NCAN: variants seen among roughly 807,000 people sequenced by gnomAD.
The protein encoded by NCAN is neurocan core protein.
Under a neutral mutation model 121.8 loss-of-function variants are expected in NCAN, and 47 were observed. That is an observed-to-expected ratio of 0.39 (90% CI 0.31 to 0.49). NCAN has a LOEUF of 0.49. NCAN is among the 20% of genes least tolerant of loss of function. The probability of loss-of-function intolerance (pLI) is 0.92; values close to 1 mark genes in which losing one functional copy is unlikely to be tolerated. For synonymous variants in NCAN, 633 were observed against 702.0 expected, an observed-to-expected ratio of 0.90 and a Z score of 1.55; for missense variants, 1,517 against 1,773.4, an observed-to-expected ratio of 0.86 and a Z score of 2.60.
chr19:19,245,855 G>A (rs910240544), intron 13 of NCAN, among the ~76,000 whole-genome samples: 2 of 152,094 alleles, frequency 1.3e-5, no homozygotes, highest in Non-Finnish European at 2.9e-5. Flanking sequence ...ATTTGCCAGG[G>A]GCTAGGGTTT....
chr19:19,244,170 C>A (rs966933931), intron 12 of NCAN, among the ~76,000 whole-genome samples: 3 of 152,124 alleles, frequency 2.0e-5, no homozygotes, highest in Admixed American at 2.0e-4. Flanking sequence ...TCTGAGCACA[C>A]CCCAGCCCCA....
Position 19,228,112 on chromosome 19 carries a change from C to T in NCAN, c.2492C>T (p.Ser831Phe). 6 of 1,613,644 alleles carry T rather than the reference C, an allele frequency of 3.7e-6. No individual in the cohort carries two copies. The highest frequency in any genetic ancestry group is 1.1e-5 in the South Asian group (1 of 91,080). The change falls in exon 8 of 15, where the codon TCC becomes TTC. Residue 831 changes from serine (S) to phenylalanine (F), a missense_variant. Transcript: ENST00000252575. Reference sequence around the variant, plus strand: ...GGACCCACTGTGAATCCCATGGATTCCACAGTCACGCCGGCCCCCAGTGAT... The same window carrying T: ...GGACCCACTGTGAATCCCATGGATTTCACAGTCACGCCGGCCCCCAGTGAT... ...DEGPTVNPMD[S>F]TVTPAPSDAS... is the part of the protein sequence containing the mutation.
In NCAN at chr19:19,227,523, A is replaced by ATGC; in HGVS notation, c.1907_1909dup (p.Leu636dup). 1 of 1,613,834 alleles carries ATGC rather than the reference A, an allele frequency of 6.2e-7. No homozygotes were observed. Among genetic ancestry groups the ATGC allele is most frequent in the South Asian group, 1.1e-5 (1 of 91,072 alleles). Reference sequence around the variant, plus strand: ...CTCCCCAGATCTCCCTATGATGGCCATGCTGCGTGGTCCCAAAGAGTGGAT... The same window carrying ATGC: ...CTCCCCAGATCTCCCTATGATGGCCATGCTGCTGCGTGGTCCCAAAGAGTGGAT... On this transcript the variant is annotated inframe_insertion, in exon 8 of 15. Coordinates refer to ENST00000252575, the MANE Select transcript of NCAN (RefSeq NM_004386.3). This position sits in a 1 kb window ranked among gnomAD's most constrained non-coding sequence, Gnocchi z 4.2.
intron 11 of NCAN, among the ~76,000 whole-genome samples, chr19:19,240,399 T>C (rs1041337828): frequency 8.7e-5 from 13 of 149,468 alleles, no homozygotes; most frequent in Admixed American, 7.3e-4. Flanking sequence ...AGGGAGGGGC[T>C]CTGGGTCCTC....
chr19:19,244,309 CTTT>C (rs532412223), intron 12 of NCAN, among the ~76,000 whole-genome samples: 5 of 127,652 alleles, frequency 3.9e-5, no homozygotes, highest in Non-Finnish European at 4.8e-5. Context: ...CCCTTACTAT[CTTT>C]TTTTTTTTTT....
At chr19:19,247,378 T>A (rs1331471304) in intron 13 of NCAN, among the ~76,000 whole-genome samples, 2 of 152,134 alleles carry the variant, frequency 1.3e-5, no homozygotes, top group African/African-American at 4.8e-5. Flanking sequence ...CTTGGCCTCC[T>A]CAGCAGCTGG....
At chr19:19,248,318 G>A (rs893648749) in intron 13 of NCAN, among the ~76,000 whole-genome samples, 1 of 152,010 alleles carries the variant, frequency 6.6e-6, no homozygotes, top group African/African-American at 2.4e-5. Context: ...GGTGGTGCAT[G>A]TCTGTAATCC....
Position 19,225,752 on chromosome 19 carries a change from G to T in NCAN, c.1072+482G>T, listed in dbSNP as rs2060834335. On this transcript the variant is annotated intron_variant, in intron 6 of 14. Transcript: ENST00000252575. The surrounding 1 kb of genome is among the most constrained non-coding windows in gnomAD (Gnocchi z 4.0). Reference sequence around the variant, plus strand: ...TGGAAGCTGCAAGCATCAACCCCAAGGAGCCATGTCCTCTAAGTAAGCTGC... The same window carrying T: ...TGGAAGCTGCAAGCATCAACCCCAATGAGCCATGTCCTCTAAGTAAGCTGC... 6.6e-6 allele frequency among the ~76,000 whole-genome samples: 1 copy of T among 152,152 alleles called. No individual in the cohort carries two copies. The highest frequency in any genetic ancestry group is 2.1e-4 in the South Asian group (1 of 4,834).
chr19:19,212,009 C>T lies in NCAN; in HGVS notation c.-63C>T, dbSNP rs947810338. ...CGGCGCGGAGCTGGCTGAGTCGGAGCGCAGCGTCCTTTGTGCCCGGCGGCC... is the reference window on the plus strand; with the variant it reads ...CGGCGCGGAGCTGGCTGAGTCGGAGTGCAGCGTCCTTTGTGCCCGGCGGCC... On this transcript the variant is annotated 5_prime_UTR_variant, in exon 1 of 15. Coordinates refer to ENST00000252575, the MANE Select transcript of NCAN (RefSeq NM_004386.3). The surrounding 1 kb of genome is among the most constrained non-coding windows in gnomAD (Gnocchi z 4.5). 4.7e-6 allele frequency: 1 copy of T among 214,378 alleles called. No homozygotes were observed. The highest frequency in any genetic ancestry group is 4.2e-5 in the South Asian group (1 of 24,044). The allele number at this position is 214,378 out of a possible 1,614,324, so 13.3% of individuals were successfully genotyped here.
intron 3 of NCAN, among the ~76,000 whole-genome samples, chr19:19,221,277 C>T (rs775717731): frequency 1.1e-4 from 17 of 150,196 alleles, no homozygotes; most frequent in Non-Finnish European, 1.9e-4. Flanking sequence ...CAGTGGCTCA[C>T]GCCTGTAATC....
intron 12 of NCAN, among the ~76,000 whole-genome samples, chr19:19,240,922 A>G (rs1424737404): frequency 6.6e-6 from 1 of 152,118 alleles, no homozygotes; most frequent in Non-Finnish European, 1.5e-5. Context: ...ACCTGAGACT[A>G]GGGTCTGATG....
At chr19:19,245,163 A>T in intron 12 of NCAN, 150 bp from the exon 13 acceptor site, 1 of 933,444 alleles carries the variant, frequency 1.1e-6, no homozygotes, top group Non-Finnish European at 1.6e-6. Flanking sequence ...CCCCGTCAGG[A>T]TGGGCAGGAC....
rs1389719054 is a variant in NCAN at position 19,251,941 on chromosome 19, C to T, written c.*2030C>T. ...TTTGGGGGGTCTTGGTTTATGCTCC[C>T]TGCCCTTGAGCCCCTCAGCCGTTTG... is the stretch of plus-strand genomic sequence containing the variant. On this transcript the variant is annotated 3_prime_UTR_variant, in exon 15 of 15. Coordinates refer to ENST00000252575, the MANE Select transcript of NCAN (RefSeq NM_004386.3). 1 of 152,396 alleles carries T rather than the reference C, an allele frequency of 6.6e-6. No individual in the cohort carries two copies. The highest frequency in any genetic ancestry group is 2.4e-5 in the African/African-American group (1 of 41,430). 9.4% of individuals were successfully genotyped at this position (152,396 alleles called of 1,614,324 possible). A position where few individuals can be genotyped will look rare whatever the true frequency, so the allele number is the denominator to read the frequency against.
At chr19:19,245,588 C>T (rs1041536497) in intron 13 of NCAN, 131 bp downstream of exon 13, 2 of 1,032,294 alleles carry the variant, frequency 1.9e-6, no homozygotes, top group South Asian at 1.7e-5. Flanking sequence ...AGCCATCCTC[C>T]TGCCTCAGCT....
At chr19:19,226,097 T>G (rs2060835694) in intron 6 of NCAN, among the ~76,000 whole-genome samples, 1 of 151,940 alleles carries the variant, frequency 6.6e-6, no homozygotes, top group African/African-American at 2.4e-5. Flanking sequence ...GCCCAGCTAA[T>G]TTTTGTATTT....
Position 19,225,088 on chromosome 19 carries a change from G to C in NCAN, c.890G>C (p.Trp297Ser). 1 of 1,533,518 alleles carries C rather than the reference G, an allele frequency of 6.5e-7. No individual in the cohort carries two copies. The highest frequency in any genetic ancestry group is 8.7e-7 in the Non-Finnish European group (1 of 1,148,032). The allele number at this position is 1,533,518 out of a possible 1,614,324, so 95.0% of individuals were successfully genotyped here. A position where few individuals can be genotyped will look rare whatever the true frequency, so the allele number is the denominator to read the frequency against. The change falls in exon 6 of 15, where the codon TGG (tryptophan) becomes TCG (serine). Residue 297 changes from tryptophan (W) to serine (S), a missense_variant. Trp to Ser is a radical substitution (Grantham distance 177). Coordinates refer to ENST00000252575, the MANE Select transcript of NCAN (RefSeq NM_004386.3). The surrounding 1 kb of genome is among the most constrained non-coding windows in gnomAD (Gnocchi z 4.0). The part of the protein sequence containing the change: ...LASVGQLHLA[W>S]HEGLDQCDPG... ...TCGGTGGGACAGCTGCACCTGGCCT[G>C]GCATGAGGGCCTGGACCAGTGCGAC...
At chr19:19,243,494 C>A (rs1432477205) in intron 12 of NCAN, among the ~76,000 whole-genome samples, 5 of 120,720 alleles carry the variant, frequency 4.1e-5, no homozygotes, top group Non-Finnish European at 6.5e-5. Flanking sequence ...CCAGCCTGGG[C>A]GACAGAGAGA....
Position 19,228,398 on chromosome 19 carries a change from G to A in NCAN, c.2778G>A (p.Pro926=), listed in dbSNP as rs780303655. 8 of 1,613,566 alleles carry A rather than the reference G, an allele frequency of 5.0e-6. No homozygotes were observed. Among genetic ancestry groups the A allele is most frequent in the East Asian group, 4.5e-5 (2 of 44,898 alleles). Residue 926 remains proline, a synonymous_variant, in exon 8 of 15, where the codon CCG becomes CCA. Transcript: ENST00000252575. ...ATCAGAGCAGTCCCCTAGGGAAACC[G>A]GCTGTTCCTCCTGGGACACCGACTG... is the stretch of plus-strand genomic sequence containing the variant. ...PPHQSSPLGK[P]AVPPGTPTAA...
intron 14 of NCAN, 125 bp downstream of exon 14, chr19:19,249,007 A>AAGT: frequency 9.9e-7 from 1 of 1,005,174 alleles, no homozygotes; most frequent in Non-Finnish European, 1.5e-6. Context: ...CCTTGCAGAT[A>AAGT]AGTGAGAACT....
Sources: allele counts gnomAD v4.1 joint callset (sites outside exome capture counted in the v4.1 genomes callset), GRCh38; gene constraint gnomAD v4.1.1; non-coding constraint Gnocchi (gnomAD v3.1); transcripts MANE v1.5; gene names NCBI Gene and HGNC (gene_info 2026-07-23, HGNC 2026-07-21).